Variants in FPR2 observed in about 807,000 individuals in gnomAD.
FPR2 encodes formyl peptide receptor 2.
FPR2 carries 3 observed loss-of-function variants against 4.0 expected under a neutral mutation model. The ratio of observed to expected loss-of-function variants is 0.74; its 90% CI spans 0.34 to 1.92. The LOEUF (loss-of-function observed/expected upper bound fraction) is 1.92. Ranked by LOEUF, FPR2 falls within the 30% of genes most tolerant of loss-of-function variation. FPR2 has a pLI of 0.07. For synonymous variants in FPR2, 179 were observed against 171.5 expected (o/e 1.04, Z -0.34); for missense variants, 372 against 435.7 (o/e 0.85, Z 1.30).
In FPR2 at chr19:51,769,601, C is replaced by T. The variant is rs766435298; in HGVS notation, c.943C>T (p.His315Tyr). The change falls in exon 2 of 2, where the codon CAC becomes TAC. Residue 315 changes from histidine (H) to tyrosine (Y), a missense_variant. Coordinates refer to ENST00000340023, the MANE Select transcript of FPR2 (RefSeq NM_001005738.2). This position sits in a 1 kb window ranked among gnomAD's most constrained non-coding sequence, Gnocchi z 4.4. ...VGQDFRERLI[H>Y]SLPTSLERAL... ...CCAAGACTTCCGAGAGAGACTGATC[C>T]ACTCCCTGCCCACCAGTCTGGAGAG... The T allele has an allele frequency of 8.7e-6, 14 of 1,614,088 alleles. No homozygotes were observed. The highest frequency in any genetic ancestry group is 4.4e-5 in the South Asian group (4 of 91,090).
intron 1 of FPR2, among the ~76,000 whole-genome samples, chr19:51,764,533 C>A (rs1259575648): frequency 6.6e-6 from 1 of 152,074 alleles, no homozygotes; most frequent in Non-Finnish European, 1.5e-5. Flanking sequence ...CAATTGCAAC[C>A]CTCGATAATT....
intron 1 of FPR2, among the ~76,000 whole-genome samples, chr19:51,766,734 G>A (rs778792013): frequency 9.2e-5 from 14 of 152,264 alleles, no homozygotes; most frequent in Non-Finnish European, 1.5e-4. Flanking sequence ...CCCGGGCCAT[G>A]AATTCCCCCA....
At chr19:51,765,314 T>C (rs1005468773) in intron 1 of FPR2, among the ~76,000 whole-genome samples, 1 of 152,232 alleles carries the variant, frequency 6.6e-6, no homozygotes, top group Non-Finnish European at 1.5e-5. Context: ...CTACTCTTTC[T>C]ACCTGGTAAC....
Position 51,768,781 on chromosome 19 carries a change from C to T in FPR2, c.123C>T (p.Val41=). 1.9e-6 allele frequency: 3 copies of T among 1,614,120 alleles called. No homozygotes were observed. Among genetic ancestry groups the T allele is most frequent in the Non-Finnish European group, 2.5e-6 (3 of 1,180,042 alleles). The change falls in exon 2 of 2, where the codon GTC becomes GTT. Residue 41 remains valine (V), a synonymous_variant. Coordinates refer to ENST00000340023, the MANE Select transcript of FPR2 (RefSeq NM_001005738.2). ...VVLGVTFVLG[V]LGNGLVIWVA... ...TTGGGGTCACCTTTGTCCTCGGGGT[C>T]CTGGGCAATGGGCTTGTGATCTGGG...
chr19:51,767,721 T>C lies in FPR2; in HGVS notation c.-14-924T>C, dbSNP rs1341829141. On this transcript the variant is annotated intron_variant, in intron 1 of 1. Coordinates refer to ENST00000340023, the MANE Select transcript of FPR2 (RefSeq NM_001005738.2). Reference sequence around the variant, plus strand: ...CTGAAGTCCTGAATCTATTATCTACTACCTAAGTGACCTTCAACACATTTC... The same window carrying C: ...CTGAAGTCCTGAATCTATTATCTACCACCTAAGTGACCTTCAACACATTTC... 5.9e-5 allele frequency among the ~76,000 whole-genome samples: 9 copies of C among 152,216 alleles called. No homozygotes were observed. The East Asian group carries it at 7.7e-4, about 13-fold the overall frequency.
chr19:51,768,529 T>C, intron 1 of FPR2, 116 bp from the exon 2 acceptor site: 1 of 794,432 alleles, frequency 1.3e-6, no homozygotes, highest in South Asian at 1.9e-5. Context: ...GCTTGGTAGA[T>C]AGAGTGGGTC....
chr19:51,768,168 A>T (rs1438866183), intron 1 of FPR2, among the ~76,000 whole-genome samples: 3 of 152,196 alleles, frequency 2.0e-5, no homozygotes, highest in Non-Finnish European at 4.4e-5. Flanking sequence ...CTAGCCAAGC[A>T]ATAGGTCAAG....
rs757920007 is a variant in FPR2, at chr19:51,769,521, GCTC to G, written c.865_867del (p.Ser289del). 3.7e-6 allele frequency: 6 copies of G among 1,614,158 alleles called. No homozygotes were observed. The Admixed American group carries it at 1.0e-4, about 27-fold the overall frequency. ...ATTGACATCCTGGTTAACCCAACGA[GCTC>G]CCTGGCCTTCTTCAACAGCTGCCTC... is the stretch of plus-strand genomic sequence containing the variant. On this transcript the variant is annotated inframe_deletion, in exon 2 of 2. Transcript: ENST00000340023. The surrounding 1 kb of genome is among the most constrained non-coding windows in gnomAD (Gnocchi z 4.4).
rs1393121100 is a variant in FPR2, at chr19:51,769,797, G to A, written c.*83G>A. The A allele has an allele frequency of 2.6e-6, 3 of 1,171,562 alleles. No homozygotes were observed. The highest frequency in any genetic ancestry group is 1.4e-5 in the South Asian group (1 of 72,170). 72.6% of individuals were successfully genotyped at this position (1,171,562 alleles called of 1,614,324 possible). On this transcript the variant is annotated 3_prime_UTR_variant, in exon 2 of 2. Transcript: ENST00000340023. This position sits in a 1 kb window ranked among gnomAD's most constrained non-coding sequence, Gnocchi z 4.4. ...TTCATCTACCCTTGAGTCATATTGA[G>A]GCATTCAAGGATGCACAGCTCAAGT...
In FPR2 at chr19:51,768,917, A is replaced by G; in HGVS notation, c.259A>G (p.Met87Val). ...ACCATTCCTCATTGTCTCCATGGCCATGGGAGAAAAATGGCCTTTTGGCTG... is the reference window on the plus strand; with the variant it reads ...ACCATTCCTCATTGTCTCCATGGCCGTGGGAGAAAAATGGCCTTTTGGCTG... Reference protein sequence around the residue: ...TLPFLIVSMAMGEKWPFGWFL... With the variant: ...TLPFLIVSMAVGEKWPFGWFL... Residue 87 changes from methionine to valine, a missense_variant, in exon 2 of 2, where the codon ATG becomes GTG. Coordinates refer to ENST00000340023, the MANE Select transcript of FPR2 (RefSeq NM_001005738.2). The G allele has an allele frequency of 6.2e-7, 1 of 1,614,152 alleles. No homozygotes were observed. The highest frequency in any genetic ancestry group is 8.5e-7 in the Non-Finnish European group (1 of 1,180,032).
Position 51,769,746 on chromosome 19 carries a change from C to A in FPR2, c.*32C>A. On this transcript the variant is annotated 3_prime_UTR_variant, in exon 2 of 2. Transcript: ENST00000340023. The surrounding 1 kb of genome is among the most constrained non-coding windows in gnomAD (Gnocchi z 4.4). Reference sequence around the variant, plus strand: ...GGTCAGGGATATTTTGAGTTCTGTTCATCCTACCCTAATGCCAGTTCCAGC... The same window carrying A: ...GGTCAGGGATATTTTGAGTTCTGTTAATCCTACCCTAATGCCAGTTCCAGC... 6.4e-7 allele frequency: 1 copy of A among 1,571,874 alleles called. No homozygotes were observed. The highest frequency in any genetic ancestry group is 1.1e-5 in the South Asian group (1 of 89,280).
intron 1 of FPR2, among the ~76,000 whole-genome samples, chr19:51,766,626 T>C (rs1280248789): frequency 2.0e-5 from 3 of 152,188 alleles, no homozygotes; most frequent in African/African-American, 7.2e-5. Flanking sequence ...GACTTCCGTA[T>C]GCAAAGGCAG....
intron 1 of FPR2, among the ~76,000 whole-genome samples, chr19:51,765,644 G>A (rs2083864035): frequency 6.6e-6 from 1 of 152,164 alleles, no homozygotes; most frequent in South Asian, 2.1e-4. Flanking sequence ...CATCGTTCTT[G>A]TCCTGACCTT....
rs373703675 is a variant in FPR2, at chr19:51,769,123, C to G, written c.465C>G (p.Val155=). 6 of 1,614,200 alleles carry G rather than the reference C, an allele frequency of 3.7e-6. No homozygotes were observed. Among genetic ancestry groups the G allele is most frequent in the Non-Finnish European group, 5.1e-6 (6 of 1,180,046 alleles). ...TCGGACCTTGGATTCTTGCTCTAGT[C>G]CTTACCTTGCCAGTTTTCCTCTTTT... The part of the protein sequence containing the change: ...VIVGPWILAL[V]LTLPVFLFLT... The change falls in exon 2 of 2, where the codon GTC becomes GTG. Residue 155 remains valine (V), a synonymous_variant. Coordinates refer to ENST00000340023, the MANE Select transcript of FPR2 (RefSeq NM_001005738.2). This position sits in a 1 kb window ranked among gnomAD's most constrained non-coding sequence, Gnocchi z 4.4.
rs1245396389 is a variant in FPR2, at chr19:51,770,203, A to C, written c.*489A>C. ...CTACATGTATTAAGATGGTCATATT[A>C]TTCTTCTTCTTTTATGTAAATCATT... is the stretch of plus-strand genomic sequence containing the variant. On this transcript the variant is annotated 3_prime_UTR_variant, in exon 2 of 2. Transcript: ENST00000340023. 1 of 168,736 alleles carries C rather than the reference A, an allele frequency of 5.9e-6. No individual in the cohort carries two copies. The allele number at this position is 168,736 out of a possible 1,614,324, so 10.5% of individuals were successfully genotyped here.
chr19:51,764,320 T>A (rs2083857413), intron 1 of FPR2, among the ~76,000 whole-genome samples: 2 of 152,142 alleles, frequency 1.3e-5, no homozygotes, highest in Non-Finnish European at 2.9e-5. Flanking sequence ...GGCTGAAAAT[T>A]TCACATCTAG....
chr19:51,766,868 A>G (rs2083871083), intron 1 of FPR2, among the ~76,000 whole-genome samples: 1 of 152,268 alleles, frequency 6.6e-6, no homozygotes. Context: ...TCTCATGGCC[A>G]TAGCAAATCA....
chr19:51,767,136 T>C lies in FPR2; in HGVS notation c.-14-1509T>C, dbSNP rs75615652. Among the ~76,000 whole-genome samples the C allele has an allele frequency of 4.7e-4, 72 of 152,336 alleles. No homozygotes were observed. The East Asian group carries it at 0.013, about 27-fold the overall frequency. On this transcript the variant is annotated intron_variant, in intron 1 of 1. Coordinates refer to ENST00000340023, the MANE Select transcript of FPR2 (RefSeq NM_001005738.2). ...TTCCCCTCTTTGTGTCCATGTGTTC[T>C]CATCATTTACCTCCCATTTGTAAAT...
At position 51,768,778 on chromosome 19, in the gene FPR2, G is replaced by T; in HGVS notation, c.120G>T (p.Gly40=). 3.1e-6 allele frequency: 5 copies of T among 1,614,102 alleles called. No individual in the cohort carries two copies. Among genetic ancestry groups the T allele is most frequent in the South Asian group, 1.1e-5 (1 of 91,072 alleles). The change falls in exon 2 of 2, where the codon GGG becomes GGT. Residue 40 remains glycine (G), a synonymous_variant. Transcript: ENST00000340023. The stretch of plus-strand genomic sequence containing the variant: ...TGCTTGGGGTCACCTTTGTCCTCGG[G>T]GTCCTGGGCAATGGGCTTGTGATCT... ...LVVLGVTFVL[G]VLGNGLVIWV...
Sources: gnomAD v4.1 joint callset for allele counts (sites outside exome capture counted in the v4.1 genomes callset) on GRCh38, gnomAD v4.1.1 for gene constraint, Gnocchi (gnomAD v3.1) non-coding constraint, MANE v1.5 for transcripts, NCBI Gene and HGNC (gene_info 2026-07-23, HGNC 2026-07-21) for gene names.